MARCHF11: variants seen among roughly 807,000 people sequenced by gnomAD.
MARCHF11 encodes the protein membrane associated ring-CH-type finger 11.
Under a neutral mutation model 37.3 loss-of-function variants are expected in MARCHF11, and 29 were observed. That is an observed-to-expected ratio of 0.78 (90% CI 0.58 to 1.06). The LOEUF is 1.06. MARCHF11 is among the 50% of genes least tolerant of loss of function. MARCHF11 has a pLI of 0.00. For synonymous variants in MARCHF11, 233 were observed against 228.0 expected, an observed-to-expected ratio of 1.02 and a Z score of -0.20; for missense variants, 482 against 533.4, an observed-to-expected ratio of 0.90 and a Z score of 0.95.
intron 2 of MARCHF11, among the ~76,000 whole-genome samples, chr5:16,174,442 T>C (rs1738322282): frequency 6.6e-6 from 1 of 152,202 alleles, no homozygotes; most frequent in Non-Finnish European, 1.5e-5. Flanking sequence ...TCCAATGAAA[T>C]TGGGAGGTTA....
intron 2 of MARCHF11, among the ~76,000 whole-genome samples, chr5:16,157,909 G>C (rs1738004165): frequency 6.6e-6 from 1 of 151,900 alleles, no homozygotes; most frequent in Admixed American, 6.6e-5. Context: ...TATGGAATGA[G>C]AGAAAATATT....
chr5:16,128,516 G>T lies in MARCHF11; in HGVS notation c.694-37435C>A, dbSNP rs1014741531. ...GATACCCAGAAATAGATGGGGAAGG[G>T]TTTAAAGTTGATCAGGGTCCCACTA... is the stretch of plus-strand genomic sequence containing the variant. On this transcript the variant is annotated intron_variant, in intron 2 of 3. Coordinates refer to ENST00000332432, the MANE Select transcript of MARCHF11 (RefSeq NM_001102562.3). Among the ~76,000 whole-genome samples the T allele has an allele frequency of 3.5e-4, 53 of 152,272 alleles. 1 individual carries two copies. The highest frequency in any genetic ancestry group is 3.3e-3 in the Admixed American group (50 of 15,290).
chr5:16,153,141 G>C (rs1278653256), intron 2 of MARCHF11, among the ~76,000 whole-genome samples: 22 of 151,980 alleles, frequency 1.4e-4, no homozygotes. Context: ...GACATTCCAA[G>C]AGGGAGAAGA....
At chr5:16,154,767 G>A (rs1737939331) in intron 2 of MARCHF11, among the ~76,000 whole-genome samples, 1 of 151,860 alleles carries the variant, frequency 6.6e-6, no homozygotes, top group South Asian at 2.1e-4. Flanking sequence ...AGTAATCAGG[G>A]AAACACAAGT....
chr5:16,100,035 G>A (rs1579380857), intron 2 of MARCHF11, among the ~76,000 whole-genome samples: 1 of 152,184 alleles, frequency 6.6e-6, no homozygotes, highest in East Asian at 1.9e-4. Context: ...CTATGGCAAT[G>A]TGCTCAGTAT....
At chr5:16,107,392 C>CT (rs1737062534) in intron 2 of MARCHF11, among the ~76,000 whole-genome samples, 1 of 151,744 alleles carries the variant, frequency 6.6e-6, no homozygotes, top group African/African-American at 2.4e-5. Flanking sequence ...TATGTCCCTA[C>CT]TGAAGCATAA....
chr5:16,160,530 A>G (rs1738058809), intron 2 of MARCHF11, among the ~76,000 whole-genome samples: 1 of 150,904 alleles, frequency 6.6e-6, no homozygotes, highest in African/African-American at 2.4e-5. Context: ...TTGGACAATC[A>G]ACATTTGAAT....
intron 3 of MARCHF11, among the ~76,000 whole-genome samples, chr5:16,075,456 AT>A (rs1466168882): frequency 1.3e-5 from 2 of 152,146 alleles, no homozygotes; most frequent in Non-Finnish European, 2.9e-5. Context: ...TACTATAATG[AT>A]TTGCTTCTAT....
intron 2 of MARCHF11, among the ~76,000 whole-genome samples, chr5:16,165,768 T>C (rs1579423106): frequency 6.6e-6 from 1 of 152,180 alleles, no homozygotes; most frequent in Non-Finnish European, 1.5e-5. Flanking sequence ...TTAAACTTGA[T>C]TGCCTGGCTA....
chr5:16,179,765 G>T lies in MARCHF11; in HGVS notation c.-190C>A. ...AGCTGCGGCGGCGGCAGGCGCGGCCGTTCGGTGGAGCCGCCGGCTCGGCTC... is the reference window on the plus strand; with the variant it reads ...AGCTGCGGCGGCGGCAGGCGCGGCCTTTCGGTGGAGCCGCCGGCTCGGCTC... On this transcript the variant is annotated 5_prime_UTR_variant, in exon 1 of 4. Coordinates refer to ENST00000332432, the MANE Select transcript of MARCHF11 (RefSeq NM_001102562.3). The T allele has an allele frequency of 3.7e-6, 1 of 269,766 alleles. No individual in the cohort carries two copies. Among genetic ancestry groups the T allele is most frequent in the Non-Finnish European group, 6.5e-6 (1 of 152,682 alleles). The allele number at this position is 269,766 out of a possible 1,614,324, so 16.7% of individuals were successfully genotyped here.
At chr5:16,148,958 T>C (rs887422260) in intron 2 of MARCHF11, among the ~76,000 whole-genome samples, 1 of 152,150 alleles carries the variant, frequency 6.6e-6, no homozygotes, top group African/African-American at 2.4e-5. Context: ...TTTGATATTA[T>C]AGTAGATGGC....
chr5:16,122,116 T>A (rs1321930331), intron 2 of MARCHF11, among the ~76,000 whole-genome samples: 6 of 152,114 alleles, frequency 3.9e-5, no homozygotes, highest in African/African-American at 1.4e-4. Flanking sequence ...ACCCCTACCC[T>A]TTCTCACCCA....
intron 3 of MARCHF11, among the ~76,000 whole-genome samples, chr5:16,078,475 G>A (rs763930589): frequency 1.1e-4 from 16 of 152,246 alleles, no homozygotes; most frequent in Admixed American, 3.9e-4. Context: ...ATGCTCAGCC[G>A]TGTGGTTCTC....
At chr5:16,075,122 G>A (rs576824860) in intron 3 of MARCHF11, among the ~76,000 whole-genome samples, 1 of 152,248 alleles carries the variant, frequency 6.6e-6, no homozygotes, top group South Asian at 2.1e-4. Context: ...GGTTAAATTT[G>A]TCCTTATCTT....
intron 2 of MARCHF11, among the ~76,000 whole-genome samples, chr5:16,140,195 T>C (rs1218274260): frequency 6.6e-6 from 1 of 152,030 alleles, no homozygotes; most frequent in African/African-American, 2.4e-5. Context: ...AAACTACTTA[T>C]ACTAGTAAAT....
intron 3 of MARCHF11, among the ~76,000 whole-genome samples, chr5:16,082,817 G>A (rs1736634438): frequency 1.3e-5 from 2 of 152,092 alleles, no homozygotes; most frequent in Non-Finnish European, 1.5e-5. Context: ...ACACATCCAC[G>A]TTAATACTTC....
intron 2 of MARCHF11, among the ~76,000 whole-genome samples, chr5:16,133,572 C>T (rs963756815): frequency 5.3e-5 from 8 of 152,108 alleles, no homozygotes; most frequent in Non-Finnish European, 4.4e-5. Context: ...TCTTACACAG[C>T]ACTAGCTAAC....
At chr5:16,171,242 C>T (rs1453220256) in intron 2 of MARCHF11, among the ~76,000 whole-genome samples, 1 of 150,918 alleles carries the variant, frequency 6.6e-6, no homozygotes, top group Non-Finnish European at 1.5e-5. Context: ...TCTCCCAATG[C>T]TATCCCTCCC....
intron 2 of MARCHF11, among the ~76,000 whole-genome samples, chr5:16,131,449 G>A (rs1240095184): frequency 6.6e-6 from 1 of 152,110 alleles, no homozygotes; most frequent in Non-Finnish European, 1.5e-5. Flanking sequence ...TAAAAGAAGG[G>A]TGAAAAACAT....
Sources: allele counts gnomAD v4.1 joint callset (sites outside exome capture counted in the v4.1 genomes callset), GRCh38; gene constraint gnomAD v4.1.1; transcripts MANE v1.5; gene names NCBI Gene and HGNC (gene_info 2026-07-23, HGNC 2026-07-21).